PTGES3L: variants seen among roughly 807,000 people sequenced by gnomAD.
PTGES3L encodes the protein putative protein PTGES3L.
A neutral mutation model predicts 25.0 loss-of-function variants in PTGES3L; 17 were observed. The observed-to-expected ratio is 0.68, with a 90% confidence interval of 0.47 to 1.02. PTGES3L has a LOEUF of 1.02. Ranked by LOEUF, PTGES3L falls within the 50% of genes least tolerant of loss-of-function variation. The pLI is 0.00. For missense variants in PTGES3L, 202 were observed against 197.5 expected (o/e 1.02, Z -0.14); for synonymous variants, 59 against 65.7 (o/e 0.90, Z 0.50).
At chr17:42,975,722 G>A (rs185119132) in intron 4 of PTGES3L, among the ~76,000 whole-genome samples, 68 of 152,216 alleles carry the variant, frequency 4.5e-4, no homozygotes, top group African/African-American at 1.6e-3. Flanking sequence ...TGTCATCCAG[G>A]CTAGAGTGCA....
In PTGES3L at chr17:42,970,676, G is replaced by GCACACACACA. The variant is rs57542042; in HGVS notation, c.379-344_379-335dup. Among the ~76,000 whole-genome samples, 360 of 144,162 alleles carry GCACACACACA rather than the reference G, an allele frequency of 2.5e-3. 2 individuals are homozygous for GCACACACACA. Among genetic ancestry groups the GCACACACACA allele is most frequent in the East Asian group, 5.9e-3 (29 of 4,922 alleles). 94.6% of individuals were successfully genotyped at this position (144,162 alleles called of 152,430 possible). On this transcript the variant is annotated intron_variant, in intron 5 of 6. Coordinates refer to ENST00000591916, the MANE Select transcript of PTGES3L (RefSeq NM_001261430.2). ...CATGAAGTTGTCTGGCTTAACACGC[G>GCACACACACA]CACACACACACACACACACACACAC...
chr17:42,969,232 A>T, intron 6 of PTGES3L, 46 bp from the exon 7 acceptor site: 2 of 1,041,254 alleles, frequency 1.9e-6, no homozygotes, highest in Non-Finnish European at 2.9e-6. Context: ...AGACCCTGCA[A>T]AGCAGGAACA....
Position 42,979,880 on chromosome 17 carries a change from G to A in PTGES3L, c.8+166C>T. 3.5e-6 allele frequency: 5 copies of A among 1,444,652 alleles called. No individual in the cohort carries two copies. In the South Asian group the frequency reaches 4.4e-5, roughly 13 times the overall value. The allele number at this position is 1,444,652 out of a possible 1,614,324, so 89.5% of individuals were successfully genotyped here. Reference sequence around the variant, plus strand: ...ACGTGCAAGACTAGGAAACTAGGAGGTCAGGGAGAACATTCAGGTCACACC... The same window carrying A: ...ACGTGCAAGACTAGGAAACTAGGAGATCAGGGAGAACATTCAGGTCACACC... On this transcript the variant is annotated intron_variant, in intron 1 of 6. Coordinates refer to ENST00000591916, the MANE Select transcript of PTGES3L (RefSeq NM_001261430.2).
chr17:42,972,942 G>A (rs1295640110), intron 4 of PTGES3L, among the ~76,000 whole-genome samples: 9 of 142,592 alleles, frequency 6.3e-5, no homozygotes, highest in African/African-American at 8.0e-5. Context: ...GCCACCCATC[G>A]TCTGAGATGT....
Position 42,972,026 on chromosome 17 carries a change from A to T in PTGES3L, c.289-330T>A, listed in dbSNP as rs543821300. 1.1e-3 allele frequency: 261 copies of T among 229,366 alleles called. 3 individuals carry two copies. In the Admixed American group the frequency reaches 0.012, roughly 11 times the overall value. 14.2% of individuals were successfully genotyped at this position (229,366 alleles called of 1,614,324 possible). On this transcript the variant is annotated intron_variant, in intron 4 of 6. Transcript: ENST00000591916. ...AATATGGTGAAACCTCGTCTCTAGT[A>T]AAAATACAAAAATTATCCGGGCGTG...
At chr17:42,970,138 A>G in intron 6 of PTGES3L, 151 bp downstream of exon 6, 1 of 934,460 alleles carries the variant, frequency 1.1e-6, no homozygotes, top group Non-Finnish European at 1.6e-6. Flanking sequence ...ACCCCCCAAA[A>G]AAAGAATATT....
At position 42,969,018 on chromosome 17, in the gene PTGES3L, T is replaced by C; in HGVS notation, c.*130A>G. 1.5e-6 allele frequency: 1 copy of C among 651,676 alleles called. No homozygotes were observed. The highest frequency in any genetic ancestry group is 2.7e-6 in the Non-Finnish European group (1 of 372,460). 40.4% of individuals were successfully genotyped at this position (651,676 alleles called of 1,614,324 possible). A position where few individuals can be genotyped will look rare whatever the true frequency, so the allele number is the denominator to read the frequency against. ...GAAGGACGACCCTTAATAAAGAGCT[T>C]CTAGGAAAGTTCAGAGATCTCAGAA... On this transcript the variant is annotated 3_prime_UTR_variant, in exon 7 of 7. Coordinates refer to ENST00000591916, the MANE Select transcript of PTGES3L (RefSeq NM_001261430.2).
At chr17:42,973,524 T>A (rs983343626) in intron 4 of PTGES3L, among the ~76,000 whole-genome samples, 7 of 151,918 alleles carry the variant, frequency 4.6e-5, no homozygotes, top group African/African-American at 1.7e-4. Flanking sequence ...CGGGCCAGGA[T>A]GACAATGGCG....
rs2049808632 is a variant in PTGES3L at position 42,970,279 on chromosome 17, C to T, written c.432+10G>A. ...AGAAACTGAAGGGTTGAGGGGAAGG[C>T]TTTACTTACATCCAAATCATCCATG... is the stretch of plus-strand genomic sequence containing the variant. On this transcript the variant is annotated intron_variant, in intron 6 of 6. Transcript: ENST00000591916. The T allele has an allele frequency of 1.2e-6, 2 of 1,613,754 alleles. No individual in the cohort carries two copies. The highest frequency in any genetic ancestry group is 2.2e-5 in the South Asian group (2 of 91,086).
chr17:42,973,197 G>A (rs1475388153), intron 4 of PTGES3L, among the ~76,000 whole-genome samples: 1 of 148,364 alleles, frequency 6.7e-6, no homozygotes, highest in Non-Finnish European at 1.5e-5. Flanking sequence ...AGGTGGGGGG[G>A]GGTCAGCCCC....
chr17:42,970,676 GCACA>G (rs57542042), intron 5 of PTGES3L, among the ~76,000 whole-genome samples: 2,316 of 144,132 alleles, frequency 0.016, 42 homozygotes, highest in African/African-American at 0.049. Context: ...CTTAACACGC[GCACA>G]CACACACACA....
chr17:42,974,055 C>T (rs1402643411), intron 4 of PTGES3L, among the ~76,000 whole-genome samples: 3 of 151,060 alleles, frequency 2.0e-5, no homozygotes, highest in African/African-American at 7.3e-5. Flanking sequence ...TAGGAGTCAA[C>T]CAATAAGACA....
At chr17:42,972,324 C>T (rs71367922) in intron 4 of PTGES3L, among the ~76,000 whole-genome samples, 4 of 146,010 alleles carry the variant, frequency 2.7e-5, no homozygotes, top group Non-Finnish European at 3.0e-5. Context: ...TCCCTCTCCC[C>T]CTCCCCCTCC....
At chr17:42,972,344 T>G (rs1390280013) in intron 4 of PTGES3L, among the ~76,000 whole-genome samples, 8 of 78,310 alleles carry the variant, frequency 1.0e-4, no homozygotes, top group Middle Eastern at 0.016. Context: ...CCCCTCCCCA[T>G]GGTCTCCCTC....
In PTGES3L at chr17:42,969,086, T is replaced by C; in HGVS notation, c.*62A>G. 2.3e-6 allele frequency: 3 copies of C among 1,314,460 alleles called. No individual in the cohort carries two copies. The highest frequency in any genetic ancestry group is 3.6e-4 in the Middle Eastern group (2 of 5,524). 81.4% of individuals were successfully genotyped at this position (1,314,460 alleles called of 1,614,324 possible). Reference sequence around the variant, plus strand: ...AAAGCGCTGACAAAGGCCTAGGCGCTAGCTTTCTAGAACAACTGGAAAATA... The same window carrying C: ...AAAGCGCTGACAAAGGCCTAGGCGCCAGCTTTCTAGAACAACTGGAAAATA... On this transcript the variant is annotated 3_prime_UTR_variant, in exon 7 of 7. Transcript: ENST00000591916.
intron 1 of PTGES3L, 25 bp downstream of exon 1, chr17:42,980,021 G>C: frequency 6.5e-7 from 1 of 1,545,450 alleles, no homozygotes. Context: ...GGGCCAGGGG[G>C]AGCACCGGAG....
Position 42,979,399 on chromosome 17 carries a change from G to T in PTGES3L, c.168C>A (p.Phe56Leu). 6.2e-7 allele frequency: 1 copy of T among 1,614,140 alleles called. No individual in the cohort carries two copies. The highest frequency in any genetic ancestry group is 8.5e-7 in the Non-Finnish European group (1 of 1,180,032). ...DGVELYNEIE[F>L]YAKVNSKDSQ... ...TTACCTTGGAGTTCACTTTGGCATAGAACTCAATCTCATTGTACAACTCCA... is the reference window on the plus strand; with the variant it reads ...TTACCTTGGAGTTCACTTTGGCATATAACTCAATCTCATTGTACAACTCCA... The change falls in exon 3 of 7, where the codon TTC becomes TTA. Residue 56 changes from phenylalanine (F) to leucine (L), a missense_variant. Transcript: ENST00000591916.
chr17:42,973,277 T>A (rs1345462373), intron 4 of PTGES3L, among the ~76,000 whole-genome samples: 2 of 147,556 alleles, frequency 1.4e-5, no homozygotes, highest in African/African-American at 2.5e-5. Flanking sequence ...AGCCGCCCCG[T>A]CCGGGAGGTG....
rs150067657 is a variant in PTGES3L, at chr17:42,979,194, C to A, written c.264G>T (p.Pro88=). 2 of 1,614,116 alleles carry A rather than the reference C, an allele frequency of 1.2e-6. No individual in the cohort carries two copies. The highest frequency in any genetic ancestry group is 2.2e-5 in the East Asian group (1 of 44,886). Residue 88 remains proline, a synonymous_variant, in exon 4 of 7, where the codon CCG becomes CCT. Transcript: ENST00000591916. ...VRKWKEKVAW[P]RLTKEDIKPV... The stretch of plus-strand genomic sequence containing the variant: ...CCTTGATATCCTCCTTGGTAAGCCG[C>A]GGCCAGGCCACCTTTTCCTTCCATT...
Sources: gnomAD v4.1 joint callset for allele counts (sites outside exome capture counted in the v4.1 genomes callset) on GRCh38, gnomAD v4.1.1 for gene constraint, MANE v1.5 for transcripts, NCBI Gene and HGNC (gene_info 2026-07-23, HGNC 2026-07-21) for gene names.